The following JPH3 variants were observed in gnomAD, a reference collection of about 807,000 sequenced individuals.
JPH3 encodes the protein junctophilin 3, also known as junctophilin-3.
A neutral mutation model predicts 59.6 loss-of-function variants in JPH3; 11 were observed. The ratio of observed to expected loss-of-function variants is 0.18; its 90% CI spans 0.12 to 0.31. The LOEUF is 0.31. Ranked by LOEUF, JPH3 falls within the 10% of genes least tolerant of loss-of-function variation. The probability of loss-of-function intolerance (pLI) is 1.00; values close to 1 mark genes in which losing one functional copy is unlikely to be tolerated. For missense variants in JPH3, 1,202 were observed against 1,105.7 expected (o/e 1.09, Z -1.24); for synonymous variants, 673 against 483.6 (o/e 1.39, Z -5.14).
chr16:87,664,577 A>G (rs2032804618), intron 2 of JPH3, among the ~76,000 whole-genome samples: 1 of 152,142 alleles, frequency 6.6e-6, no homozygotes, highest in Admixed American at 6.5e-5. Flanking sequence ...GTGAGCCGAG[A>G]TCGCGCCATT....
intron 1 of JPH3, among the ~76,000 whole-genome samples, chr16:87,612,144 CGGG>C (rs2030752143): frequency 6.6e-6 from 1 of 152,134 alleles, no homozygotes; most frequent in African/African-American, 2.4e-5. Context: ...TTTTTTCAGA[CGGG>C]GGCTGGCTCC....
chr16:87,656,337 G>T (rs1211020098), intron 2 of JPH3, among the ~76,000 whole-genome samples: 1 of 152,240 alleles, frequency 6.6e-6, no homozygotes, highest in African/African-American at 2.4e-5. Context: ...GAGACGGGGG[G>T]TGGGTTAGGA....
At chr16:87,678,535 T>TCACACA (rs752050073) in intron 2 of JPH3, among the ~76,000 whole-genome samples, 1 of 151,034 alleles carries the variant, frequency 6.6e-6, no homozygotes, top group Non-Finnish European at 1.5e-5. Flanking sequence ...CCAGACTCCA[T>TCACACA]CACACACACA....
At chr16:87,665,685 A>C (rs2032838679) in intron 2 of JPH3, among the ~76,000 whole-genome samples, 1 of 152,202 alleles carries the variant, frequency 6.6e-6, no homozygotes, top group South Asian at 2.1e-4. Context: ...AGAGGCACTC[A>C]ACAACCACGG....
intron 2 of JPH3, among the ~76,000 whole-genome samples, chr16:87,650,948 T>G (rs74039412): frequency 0.018 from 2,797 of 152,364 alleles, 94 homozygotes; most frequent in African/African-American, 0.063. Flanking sequence ...GGAACAGCTT[T>G]CTATTGGAAG....
chr16:87,630,138 T>C (rs2031518340), intron 1 of JPH3, among the ~76,000 whole-genome samples: 1 of 152,172 alleles, frequency 6.6e-6, no homozygotes. Flanking sequence ...ACAGCACAGA[T>C]TGGTGGACCT....
chr16:87,696,653 T>C lies in JPH3; in HGVS notation c.2240T>C (p.Phe747Ser). ...IGVAILFINFFI is the reference protein window; with the variant it reads ...IGVAILFINFSI Reference sequence around the variant, plus strand: ...GTCGCCATTCTGTTTATTAACTTTTTCATCTGATGAGATGTCGCGGTAGCA... The same window carrying C: ...GTCGCCATTCTGTTTATTAACTTTTCCATCTGATGAGATGTCGCGGTAGCA... The change falls in exon 5 of 5, where the codon TTC becomes TCC. Residue 747 changes from phenylalanine (F) to serine (S), a missense_variant. Phe to Ser is a radical substitution (Grantham distance 155). Transcript: ENST00000284262. 1 of 1,612,684 alleles carries C rather than the reference T, an allele frequency of 6.2e-7. No individual in the cohort carries two copies. Among genetic ancestry groups the C allele is most frequent in the Non-Finnish European group, 8.5e-7 (1 of 1,179,066 alleles).
intron 3 of JPH3, among the ~76,000 whole-genome samples, chr16:87,686,034 G>A (rs1171513459): frequency 6.6e-6 from 1 of 152,210 alleles, no homozygotes; most frequent in Non-Finnish European, 1.5e-5. Context: ...GGCGGATGGA[G>A]TGATGTCAGA....
intron 3 of JPH3, among the ~76,000 whole-genome samples, chr16:87,686,937 AC>A (rs931709635): frequency 1.3e-5 from 2 of 152,184 alleles, no homozygotes; most frequent in African/African-American, 4.8e-5. Context: ...CTGCTGCTGC[AC>A]CTTGGAGCCT....
intron 1 of JPH3, among the ~76,000 whole-genome samples, chr16:87,623,736 C>T (rs1046385578): frequency 3.3e-5 from 5 of 152,176 alleles, no homozygotes; most frequent in African/African-American, 9.7e-5. Flanking sequence ...CCGAACACTC[C>T]CCCACAACGC....
chr16:87,608,319 G>A (rs1293942597), intron 1 of JPH3, among the ~76,000 whole-genome samples: 1 of 152,214 alleles, frequency 6.6e-6, no homozygotes, highest in Non-Finnish European at 1.5e-5. Context: ...GCTCTCAACT[G>A]TGAGCTAATA....
At chr16:87,613,815 G>C (rs1254766152) in intron 1 of JPH3, among the ~76,000 whole-genome samples, 1 of 152,180 alleles carries the variant, frequency 6.6e-6, no homozygotes, top group East Asian at 1.9e-4. Flanking sequence ...TTTTATCATA[G>C]ACGTTATATC....
rs371557680 is a variant in JPH3, at chr16:87,690,194, C to T, written c.1834C>T (p.Arg612Trp). 71 of 1,602,000 alleles carry T rather than the reference C, an allele frequency of 4.4e-5. No homozygotes were observed. The highest frequency in any genetic ancestry group is 5.4e-5 in the Non-Finnish European group (63 of 1,174,918). ...ELQEEKLSNY[R>W]MEMKPLLRME... ...GCAGGAGGAGAAGCTGAGCAACTAC[C>T]GGATGGAGATGAAACCCTTGCTGAG... The change falls in exon 4 of 5, where the codon CGG becomes TGG. Residue 612 changes from arginine (R) to tryptophan (W), a missense_variant. Coordinates refer to ENST00000284262, the MANE Select transcript of JPH3 (RefSeq NM_020655.4).
chr16:87,632,953 G>T (rs905553965), intron 1 of JPH3, among the ~76,000 whole-genome samples: 1 of 151,932 alleles, frequency 6.6e-6, no homozygotes, highest in African/African-American at 2.4e-5. Context: ...GGCTGGTCTG[G>T]AACTCTGGGG....
chr16:87,689,554 G>A, intron 3 of JPH3, 92 bp from the exon 4 acceptor site: 1 of 1,375,406 alleles, frequency 7.3e-7, no homozygotes, highest in African/African-American at 1.4e-5. Flanking sequence ...GCTGCCCTGA[G>A]GTTCCCTCTG....
intron 1 of JPH3, among the ~76,000 whole-genome samples, chr16:87,624,076 C>G (rs921450505): frequency 6.6e-6 from 1 of 152,236 alleles, no homozygotes; most frequent in Non-Finnish European, 1.5e-5. Context: ...TTGTCGCTGT[C>G]ACTCCCCAAA....
chr16:87,667,689 G>T (rs1340950794), intron 2 of JPH3, among the ~76,000 whole-genome samples: 1 of 152,214 alleles, frequency 6.6e-6, no homozygotes, highest in African/African-American at 2.4e-5. Flanking sequence ...GTTAGATCCT[G>T]GCCTCCCGGA....
chr16:87,664,388 G>A (rs998511921), intron 2 of JPH3, among the ~76,000 whole-genome samples: 1 of 151,378 alleles, frequency 6.6e-6, no homozygotes, highest in East Asian at 1.9e-4. Context: ...AGTTTGGGAG[G>A]CTGAGGTGGG....
chr16:87,627,760 C>G (rs770977676), intron 1 of JPH3, among the ~76,000 whole-genome samples: 7 of 152,224 alleles, frequency 4.6e-5, no homozygotes, highest in African/African-American at 9.6e-5. Flanking sequence ...AGCCAGGATC[C>G]GAGCTCAGAT....
Sources: gnomAD v4.1 joint callset for allele counts (sites outside exome capture counted in the v4.1 genomes callset) on GRCh38, gnomAD v4.1.1 for gene constraint, MANE v1.5 for transcripts, NCBI Gene and HGNC (gene_info 2026-07-23, HGNC 2026-07-21) for gene names.